The following PDPN variants were observed in gnomAD, a reference collection of about 807,000 sequenced individuals.
PDPN encodes podoplanin.
Under a neutral mutation model 23.2 loss-of-function variants are expected in PDPN, and 12 were observed. The observed-to-expected ratio is 0.52, with a 90% CI of 0.33 to 0.84. The LOEUF is 0.84. PDPN is among the 40% of genes least tolerant of loss of function. The pLI, the probability that PDPN is intolerant of heterozygous loss-of-function variation, is 0.02. For missense variants in PDPN, 199 were observed against 212.2 expected, an observed-to-expected ratio of 0.94 and a Z score of 0.39; for synonymous variants, 77 against 76.7, an observed-to-expected ratio of 1.00 and a Z score of -0.02.
At chr1:13,611,550 TG>T (rs1183641362) in intron 3 of PDPN, among the ~76,000 whole-genome samples, 5 of 151,228 alleles carry the variant, frequency 3.3e-5, no homozygotes, top group African/African-American at 1.2e-4. Context: ...TAAAGTAGAG[TG>T]GTGGTTTGCC....
intron 1 of PDPN, among the ~76,000 whole-genome samples, chr1:13,587,833 G>A (rs1018972997): frequency 6.6e-6 from 1 of 152,162 alleles, no homozygotes; most frequent in Non-Finnish European, 1.5e-5. Context: ...CAAGGTGACT[G>A]TTTCCTTCCC....
intron 4 of PDPN, among the ~76,000 whole-genome samples, 167 bp from the exon 5 acceptor site, chr1:13,614,133 G>A (rs997601451): frequency 6.6e-6 from 1 of 152,164 alleles, no homozygotes; most frequent in Non-Finnish European, 1.5e-5. Flanking sequence ...AATAGGATTA[G>A]ACTAGCCCAA....
At chr1:13,586,382 A>T (rs1324300659) in intron 1 of PDPN, among the ~76,000 whole-genome samples, 2 of 152,150 alleles carry the variant, frequency 1.3e-5, no homozygotes, top group Non-Finnish European at 2.9e-5. Flanking sequence ...GGTGTATAAG[A>T]TCCAAAATAG....
chr1:13,614,276 G>A (rs1641010157), intron 4 of PDPN, 24 bp from the exon 5 acceptor site: 1 of 1,304,952 alleles, frequency 7.7e-7, no homozygotes, highest in Non-Finnish European at 1.1e-6. Context: ...TGGGGCTCAT[G>A]CTTTTTTTCT....
intron 1 of PDPN, among the ~76,000 whole-genome samples, chr1:13,599,350 T>A (rs568680843): frequency 6.7e-6 from 1 of 149,030 alleles, no homozygotes. Flanking sequence ...AGGGAAGCTA[T>A]CTTGATGTGT....
chr1:13,607,429 T>C (rs910698318), intron 2 of PDPN, 123 bp downstream of exon 2: 22 of 604,320 alleles, frequency 3.6e-5, no homozygotes, highest in Non-Finnish European at 4.3e-5. Context: ...TGAGCCACCA[T>C]ACCAAGGAAT....
chr1:13,600,523 G>A (rs1387135754), intron 1 of PDPN, among the ~76,000 whole-genome samples: 2 of 151,946 alleles, frequency 1.3e-5, no homozygotes, highest in Non-Finnish European at 2.9e-5. Flanking sequence ...CGCCACCATG[G>A]CCAGCTAATT....
chr1:13,589,363 T>C (rs915368888), intron 1 of PDPN, among the ~76,000 whole-genome samples: 5 of 152,250 alleles, frequency 3.3e-5, no homozygotes, highest in Non-Finnish European at 7.3e-5. Context: ...TGAGCTTGGC[T>C]AATGGGAAAC....
rs796345149 is a variant in PDPN, at chr1:13,612,361, C to CT, written c.332-1325dup. Among the ~76,000 whole-genome samples the CT allele has an allele frequency of 2.3e-4, 35 of 152,190 alleles. 1 individual carries two copies. The highest frequency in any genetic ancestry group is 6.5e-4 in the Admixed American group (10 of 15,284). ...ATGGGAAATATGGCACTAATAAGCT[C>CT]TAATTTAGTAACAAATCCTCCACAA... On this transcript the variant is annotated intron_variant, in intron 3 of 5. Coordinates refer to ENST00000621990, the MANE Select transcript of PDPN (RefSeq NM_006474.5).
rs1222375725 is a variant in PDPN, at chr1:13,609,569, C to T, written c.202-818C>T. Among the ~76,000 whole-genome samples, 5 of 152,224 alleles carry T rather than the reference C, an allele frequency of 3.3e-5. No homozygotes were observed. The East Asian group carries it at 9.7e-4, about 29-fold the overall frequency. On this transcript the variant is annotated intron_variant, in intron 2 of 5. Coordinates refer to ENST00000621990, the MANE Select transcript of PDPN (RefSeq NM_006474.5). ...ATCCTGTAAAACTGAAACTCTATAC[C>T]CATGAAACAATAACTCATTCTTCCC... is the stretch of plus-strand genomic sequence containing the variant.
chr1:13,605,536 G>T lies in PDPN; in HGVS notation c.68-1637G>T, dbSNP rs1379264475. ...ACTAGTTTGGGTCACTGCAACAGAA[G>T]TTGAAGAAGAGGATACTGCTGTTAT... On this transcript the variant is annotated intron_variant, in intron 1 of 5. Transcript: ENST00000621990. Among the ~76,000 whole-genome samples the T allele has an allele frequency of 2.6e-5, 4 of 152,322 alleles. No homozygotes were observed. In the East Asian group the frequency reaches 5.8e-4, roughly 22 times the overall value.
At chr1:13,593,745 T>C (rs1350016642) in intron 1 of PDPN, among the ~76,000 whole-genome samples, 1 of 152,106 alleles carries the variant, frequency 6.6e-6, no homozygotes, top group Non-Finnish European at 1.5e-5. Flanking sequence ...TTCCATTCAG[T>C]TTCCGAGCAG....
chr1:13,614,267 G>A (rs1357204077), intron 4 of PDPN, 33 bp from the exon 5 acceptor site: 5 of 1,148,976 alleles, frequency 4.4e-6, no homozygotes, highest in Non-Finnish European at 6.5e-6. Flanking sequence ...TTTTTCCTCT[G>A]GGGCTCATGC....
intron 1 of PDPN, among the ~76,000 whole-genome samples, chr1:13,596,930 G>A (rs1422413348): frequency 3.3e-5 from 5 of 152,162 alleles, no homozygotes; most frequent in Admixed American, 3.3e-4. Context: ...GTGGGTGGCC[G>A]GCAGAGTGCT....
At chr1:13,587,679 G>A (rs1421976795) in intron 1 of PDPN, among the ~76,000 whole-genome samples, 1 of 152,176 alleles carries the variant, frequency 6.6e-6, no homozygotes, top group African/African-American at 2.4e-5. Flanking sequence ...CTTCCAAGTG[G>A]ACAGTTACTG....
At chr1:13,605,295 C>T (rs1057080821) in intron 1 of PDPN, among the ~76,000 whole-genome samples, 1 of 151,488 alleles carries the variant, frequency 6.6e-6, no homozygotes, top group African/African-American at 2.4e-5. Context: ...GACAAACAAA[C>T]ATCTGCTCTT....
At chr1:13,599,164 C>A (rs1640575469) in intron 1 of PDPN, among the ~76,000 whole-genome samples, 1 of 150,700 alleles carries the variant, frequency 6.6e-6, no homozygotes, top group African/African-American at 2.4e-5. Flanking sequence ...GTGTGCACCA[C>A]CACGCCTGGC....
intron 1 of PDPN, among the ~76,000 whole-genome samples, chr1:13,596,677 A>G (rs1432826625): frequency 6.6e-6 from 1 of 152,206 alleles, no homozygotes; most frequent in East Asian, 1.9e-4. Context: ...GTGTGGCTGT[A>G]AGCAAAACAT....
chr1:13,614,795 A>G (rs889028245), intron 5 of PDPN: 16 of 513,202 alleles, frequency 3.1e-5, no homozygotes, highest in Admixed American at 9.9e-5. Flanking sequence ...TCTTAAAAAT[A>G]AGAAAGAGCC....
Sources: gnomAD v4.1 joint callset for allele counts (sites outside exome capture counted in the v4.1 genomes callset) on GRCh38, gnomAD v4.1.1 for gene constraint, MANE v1.5 for transcripts, NCBI Gene and HGNC (gene_info 2026-07-23, HGNC 2026-07-21) for gene names.